The following SGCZ variants were observed in gnomAD, a reference collection of about 807,000 sequenced individuals.
SGCZ encodes the protein sarcoglycan zeta.
A neutral mutation model predicts 41.3 loss-of-function variants in SGCZ; 40 were observed. The observed-to-expected ratio is 0.97, with a 90% CI of 0.75 to 1.26. The LOEUF is 1.26. SGCZ is among the 50% of genes most tolerant of loss of function. The probability of loss-of-function intolerance (pLI) is 0.00; values close to 1 mark genes in which losing one functional copy is unlikely to be tolerated. For synonymous variants in SGCZ, 206 were observed against 137.5 expected (o/e 1.50, Z -3.49); for missense variants, 552 against 369.8 (o/e 1.49, Z -4.04).
At chr8:14,119,911 C>A (rs1802646880) in intron 5 of SGCZ, among the ~76,000 whole-genome samples, 1 of 152,084 alleles carries the variant, frequency 6.6e-6, no homozygotes, top group African/African-American at 2.4e-5. Context: ...AGGGATGAAG[C>A]CCACTTGATT....
At chr8:14,688,204 T>C (rs1808680456) in intron 1 of SGCZ, among the ~76,000 whole-genome samples, 2 of 152,202 alleles carry the variant, frequency 1.3e-5, no homozygotes, top group South Asian at 2.1e-4. Flanking sequence ...TTTAATTAGA[T>C]CCCACTTGTC....
chr8:15,104,944 T>C (rs1050495604), intron 1 of SGCZ, among the ~76,000 whole-genome samples: 3 of 152,222 alleles, frequency 2.0e-5, no homozygotes, highest in African/African-American at 7.2e-5. Context: ...TTGCTGTTTG[T>C]GCTGAGATAG....
chr8:14,441,908 T>A (rs1011862217), intron 2 of SGCZ, among the ~76,000 whole-genome samples: 2 of 152,198 alleles, frequency 1.3e-5, no homozygotes, highest in African/African-American at 4.8e-5. Flanking sequence ...GTTTTTCCAG[T>A]ATGATGTAAT....
At position 14,847,126 on chromosome 8, in the gene SGCZ, A is replaced by AAGAAGAAG. The variant is rs761276429; in HGVS notation, c.40-292201_40-292200insCTTCTTCT. Among the ~76,000 whole-genome samples the AAGAAGAAG allele has an allele frequency of 4.2e-3, 537 of 126,406 alleles. 3 individuals are homozygous for AAGAAGAAG. Among genetic ancestry groups the AAGAAGAAG allele is most frequent in the African/African-American group, 0.015 (496 of 32,908 alleles). The allele number at this position is 126,406 out of a possible 152,430, so 82.9% of individuals were successfully genotyped here. A position where few individuals can be genotyped will look rare whatever the true frequency, so the allele number is the denominator to read the frequency against. Reference sequence around the variant, plus strand: ...AGAAAGAAGAAAGAAGAAGAAGAAGAAAGAAGAAGAAGAAGAAGAAGAAGA... The same window carrying AAGAAGAAG: ...AGAAAGAAGAAAGAAGAAGAAGAAGAAGAAGAAGAAGAAGAAGAAGAAGAAGAAGAAGA... On this transcript the variant is annotated intron_variant, in intron 1 of 7. Coordinates refer to ENST00000382080, the MANE Select transcript of SGCZ (RefSeq NM_139167.4).
At position 14,719,100 on chromosome 8, in the gene SGCZ, G is replaced by T. The variant is rs577602511; in HGVS notation, c.40-164174C>A. Among the ~76,000 whole-genome samples the T allele has an allele frequency of 2.3e-3, 345 of 147,166 alleles. 2 individuals carry two copies. Among genetic ancestry groups the T allele is most frequent in the Non-Finnish European group, 2.5e-3 (171 of 67,404 alleles). On this transcript the variant is annotated intron_variant, in intron 1 of 7. Transcript: ENST00000382080. ...CTCCCACCTATGAGTGAGAATATGC[G>T]GTGTTTGGTTTTTTGTTCTTGCTAT...
chr8:15,038,149 A>T (rs1480665015), intron 1 of SGCZ, among the ~76,000 whole-genome samples: 4 of 152,112 alleles, frequency 2.6e-5, no homozygotes, highest in Non-Finnish European at 4.4e-5. Context: ...AATAACAAAA[A>T]CATTCTTGAG....
At chr8:15,143,086 A>T (rs1798940804) in intron 1 of SGCZ, among the ~76,000 whole-genome samples, 1 of 152,216 alleles carries the variant, frequency 6.6e-6, no homozygotes, top group Non-Finnish European at 1.5e-5. Flanking sequence ...CAAATTTCAC[A>T]GCCATGGCTA....
At chr8:14,164,762 T>C in intron 4 of SGCZ, 60 bp from the exon 5 acceptor site, 1 of 1,581,004 alleles carries the variant, frequency 6.3e-7, no homozygotes. Flanking sequence ...TTAACATGTA[T>C]TTTTTGGAAA....
At chr8:14,909,466 T>C (rs912545737) in intron 1 of SGCZ, among the ~76,000 whole-genome samples, 23 of 152,282 alleles carry the variant, frequency 1.5e-4, no homozygotes, top group Admixed American at 4.6e-4. Flanking sequence ...TTCTTTTTCT[T>C]TTAAAATCTT....
chr8:14,465,221 T>TTTTG (rs909390436), intron 2 of SGCZ, among the ~76,000 whole-genome samples: 1 of 151,598 alleles, frequency 6.6e-6, no homozygotes, highest in African/African-American at 2.4e-5. Context: ...TCCTGTCAAC[T>TTTTG]TTTGCCTCAT....
At chr8:15,190,126 T>A (rs1245330444) in intron 1 of SGCZ, among the ~76,000 whole-genome samples, 2 of 152,156 alleles carry the variant, frequency 1.3e-5, no homozygotes, top group Non-Finnish European at 2.9e-5. Flanking sequence ...CTGCTTTACC[T>A]GAAATTCTCC....
At chr8:15,034,382 C>T (rs1803794665) in intron 1 of SGCZ, among the ~76,000 whole-genome samples, 1 of 151,528 alleles carries the variant, frequency 6.6e-6, no homozygotes, top group African/African-American at 2.4e-5. Flanking sequence ...ATCCTGTGAA[C>T]CTGAAGGTAG....
chr8:14,153,256 G>A (rs1042695223), intron 5 of SGCZ, among the ~76,000 whole-genome samples: 5 of 152,190 alleles, frequency 3.3e-5, no homozygotes, highest in African/African-American at 1.2e-4. Context: ...TATAATCAGT[G>A]TTTAGGTAGT....
chr8:14,996,049 G>T (rs376531710), intron 1 of SGCZ, among the ~76,000 whole-genome samples: 1 of 151,814 alleles, frequency 6.6e-6, no homozygotes, highest in Non-Finnish European at 1.5e-5. Context: ...GACTACAGGC[G>T]CCCGCCACCA....
intron 2 of SGCZ, among the ~76,000 whole-genome samples, chr8:14,413,684 GC>G (rs1448818659): frequency 6.6e-6 from 1 of 151,882 alleles, no homozygotes; most frequent in African/African-American, 2.4e-5. Flanking sequence ...TTACCTCTTT[GC>G]CTATTTCCTT....
At chr8:14,817,894 G>A (rs1332380978) in intron 1 of SGCZ, among the ~76,000 whole-genome samples, 1 of 152,146 alleles carries the variant, frequency 6.6e-6, no homozygotes, top group Non-Finnish European at 1.5e-5. Context: ...CACTGTGCCT[G>A]CAAACACTCA....
At chr8:15,148,595 G>A (rs1470308307) in intron 1 of SGCZ, among the ~76,000 whole-genome samples, 4 of 152,160 alleles carry the variant, frequency 2.6e-5, no homozygotes, top group Admixed American at 1.3e-4. Flanking sequence ...ATTTTTGCTT[G>A]ATTAATACAA....
chr8:15,227,298 G>C (rs550385625), intron 1 of SGCZ, among the ~76,000 whole-genome samples: 1 of 152,288 alleles, frequency 6.6e-6, no homozygotes, highest in South Asian at 2.1e-4. Flanking sequence ...ACACAAACGA[G>C]CTATTAAATG....
chr8:14,524,899 C>G (rs1802893757), intron 2 of SGCZ, among the ~76,000 whole-genome samples: 1 of 152,046 alleles, frequency 6.6e-6, no homozygotes, highest in Non-Finnish European at 1.5e-5. Flanking sequence ...TGGTCCAGGT[C>G]TTTTTCTGCT....
Sources: allele counts gnomAD v4.1 joint callset (sites outside exome capture counted in the v4.1 genomes callset), GRCh38; gene constraint gnomAD v4.1.1; transcripts MANE v1.5; gene names NCBI Gene and HGNC (gene_info 2026-07-23, HGNC 2026-07-21).